The following DLGAP1 variants were observed in gnomAD, a reference collection of about 807,000 sequenced individuals.
DLGAP1 encodes DLG associated protein 1.
A neutral mutation model predicts 90.8 loss-of-function variants in DLGAP1; 11 were observed. That is an observed-to-expected ratio of 0.12 (90% CI 0.08 to 0.20). The LOEUF (loss-of-function observed/expected upper bound fraction) is 0.20, where lower values mean the gene tolerates loss of function less well. Among genes scored for constraint, DLGAP1 ranks in the 10% least tolerant of loss-of-function variants. The probability of loss-of-function intolerance (pLI) is 1.00; values close to 1 mark genes in which losing one functional copy is unlikely to be tolerated. For missense variants in DLGAP1, 1,050 were observed against 1,333.8 expected, an observed-to-expected ratio of 0.79 and a Z score of 3.31; for synonymous variants, 558 against 540.7, an observed-to-expected ratio of 1.03 and a Z score of -0.44.
chr18:4,166,498 G>A (rs188353191), intron 1 of DLGAP1, among the ~76,000 whole-genome samples: 47 of 152,278 alleles, frequency 3.1e-4, no homozygotes, highest in East Asian at 1.2e-3. Flanking sequence ...GACGAAGGTC[G>A]TTCCTCAACA....
At chr18:3,782,026 CTTGGAACAGTATTCCA>C (rs2065220016) in intron 5 of DLGAP1, among the ~76,000 whole-genome samples, 1 of 6,420 alleles carries the variant, frequency 1.6e-4, no homozygotes, top group Non-Finnish European at 5.9e-4. Flanking sequence ...CTATTCCAAG[CTTGGAACAGTATTCCA>C]AGCTTGGAAC....
At chr18:4,411,921 C>T (rs1280572926) in intron 1 of DLGAP1, among the ~76,000 whole-genome samples, 1 of 152,124 alleles carries the variant, frequency 6.6e-6, no homozygotes, top group African/African-American at 2.4e-5. Flanking sequence ...TGATTGATCA[C>T]AGCCTGTCAA....
intron 1 of DLGAP1, among the ~76,000 whole-genome samples, chr18:4,299,241 A>G (rs2080065897): frequency 6.6e-6 from 1 of 152,174 alleles, no homozygotes; most frequent in South Asian, 2.1e-4. Context: ...ACCACAAAAC[A>G]TACTCTGTTC....
intron 2 of DLGAP1, among the ~76,000 whole-genome samples, chr18:4,025,856 T>C (rs2149120963): frequency 6.6e-6 from 1 of 152,332 alleles, no homozygotes; most frequent in Non-Finnish European, 1.5e-5. Flanking sequence ...CAAGTGAATA[T>C]ATTGAAGGTA....
chr18:4,282,353 G>A lies in DLGAP1; in HGVS notation c.-266-131066C>T, dbSNP rs542838447. 3.8e-5 allele frequency among the ~76,000 whole-genome samples: 5 copies of A among 131,208 alleles called. No individual in the cohort carries two copies. In the East Asian group the frequency reaches 6.2e-4, roughly 16 times the overall value. The allele number at this position is 131,208 out of a possible 152,430, so 86.1% of individuals were successfully genotyped here. On this transcript the variant is annotated intron_variant, in intron 1 of 12. Transcript: ENST00000315677. ...CATTCCAACCTGGGCAACAAAGCGA[G>A]ACTCTGTCTCAAAAAAAAAAAAAAA...
chr18:4,062,905 T>G (rs1196728988), intron 2 of DLGAP1, among the ~76,000 whole-genome samples: 1 of 152,124 alleles, frequency 6.6e-6, no homozygotes, highest in East Asian at 1.9e-4. Flanking sequence ...GGATGGGCCA[T>G]CAAGCTCCAT....
At position 3,879,272 on chromosome 18, in the gene DLGAP1, G is replaced by A. The variant is rs375299367; in HGVS notation, c.797C>T (p.Pro266Leu). ...DVKCSTCANL[P>L]VSLDTPLLKK... ...CAGCAGCGGGGTGTCCAGGCTGACC[G>A]GCAGGTTGGCGCAGGTGGAGCACTT... The change falls in exon 4 of 13, where the codon CCG becomes CTG. Residue 266 changes from proline to leucine, a missense_variant. Pro to Leu is a moderately conservative substitution (Grantham distance 98). Coordinates refer to ENST00000315677, the MANE Select transcript of DLGAP1 (RefSeq NM_004746.4). This position sits in a 1 kb window ranked among gnomAD's most constrained non-coding sequence, Gnocchi z 6.6. 4 of 1,597,980 alleles carry A rather than the reference G, an allele frequency of 2.5e-6. No homozygotes were observed. In the African/African-American group the frequency reaches 4.0e-5, roughly 16 times the overall value.
intron 1 of DLGAP1, among the ~76,000 whole-genome samples, chr18:4,265,507 TTTC>T (rs1293033005): frequency 4.0e-5 from 6 of 149,262 alleles, no homozygotes; most frequent in African/African-American, 7.4e-5. Flanking sequence ...TTTTTCTTTG[TTTC>T]TTCTTTTTCT....
intron 8 of DLGAP1, among the ~76,000 whole-genome samples, chr18:3,575,584 G>A (rs1299498864): frequency 2.0e-5 from 3 of 152,190 alleles, no homozygotes; most frequent in Admixed American, 1.3e-4. Context: ...CGAGGTGGGA[G>A]TGGGAAAGAA....
At chr18:3,983,684 C>T (rs2073784327) in intron 3 of DLGAP1, 1 of 152,088 alleles carries the variant, frequency 6.6e-6, no homozygotes, top group African/African-American at 2.4e-5. Flanking sequence ...CATACCCCAC[C>T]CTCCTTCCAA....
rs149817088 is a variant in DLGAP1, at chr18:3,803,608, T to C, written c.1172+10451A>G. ...GTTCTGAGCTGTAAGTCAAGAACAA[T>C]GTACAGATGGTGGAAACAGTCTCCA... On this transcript the variant is annotated intron_variant, in intron 5 of 12. Coordinates refer to ENST00000315677, the MANE Select transcript of DLGAP1 (RefSeq NM_004746.4). Among the ~76,000 whole-genome samples, 393 of 152,202 alleles carry C rather than the reference T, an allele frequency of 2.6e-3. 2 individuals are homozygous for C. Among genetic ancestry groups the C allele is most frequent in the African/African-American group, 7.9e-3 (327 of 41,530 alleles).
Position 3,977,434 on chromosome 18 carries a change from G to GGTTTTTTTTTTT in DLGAP1, c.-73+27681_-73+27682insAAAAAAAAAAAC, listed in dbSNP as rs767760816. Among the ~76,000 whole-genome samples, 173 of 95,332 alleles carry GGTTTTTTTTTTT rather than the reference G, an allele frequency of 1.8e-3. 3 individuals are homozygous for GGTTTTTTTTTTT. The highest frequency in any genetic ancestry group is 2.5e-3 in the African/African-American group (60 of 23,960). 62.5% of individuals were successfully genotyped at this position (95,332 alleles called of 152,430 possible). A position where few individuals can be genotyped will look rare whatever the true frequency, so the allele number is the denominator to read the frequency against. On this transcript the variant is annotated intron_variant, in intron 3 of 12. Transcript: ENST00000315677. ...AGTTAATGAATTATGTTTATTCTGTGTTTTTTTTTTTTTTTTTTTTGCTGA... is the reference window on the plus strand; with the variant it reads ...AGTTAATGAATTATGTTTATTCTGTGGTTTTTTTTTTTTTTTTTTTTTTTTTTTTTTTGCTGA...
chr18:4,434,472 C>A (rs2083357267), intron 1 of DLGAP1, among the ~76,000 whole-genome samples: 1 of 152,150 alleles, frequency 6.6e-6, no homozygotes, highest in South Asian at 2.1e-4. Flanking sequence ...CTAAAAACAG[C>A]CTGCACGTTA....
intron 9 of DLGAP1, among the ~76,000 whole-genome samples, chr18:3,544,111 C>G (rs748317391): frequency 1.4e-4 from 21 of 152,178 alleles, no homozygotes; most frequent in Non-Finnish European, 3.1e-4. Context: ...GAAAGTAGGC[C>G]GGGCACGGTG....
chr18:3,955,856 T>C (rs940955210), intron 3 of DLGAP1, among the ~76,000 whole-genome samples: 4 of 152,100 alleles, frequency 2.6e-5, no homozygotes, highest in African/African-American at 9.7e-5. Flanking sequence ...AAGAAAAGAT[T>C]AGTGAACCTG....
chr18:4,120,032 ACTG>A (rs1370809488), intron 2 of DLGAP1, among the ~76,000 whole-genome samples: 1 of 152,244 alleles, frequency 6.6e-6, no homozygotes, highest in Non-Finnish European at 1.5e-5. Context: ...AATAAAAGGG[ACTG>A]CTGAATTACA....
At chr18:3,836,318 A>T (rs900941234) in intron 4 of DLGAP1, among the ~76,000 whole-genome samples, 2 of 152,222 alleles carry the variant, frequency 1.3e-5, no homozygotes, top group African/African-American at 4.8e-5. Context: ...TTATTAAAAA[A>T]ATACACTTTA....
At chr18:3,728,989 A>C in intron 7 of DLGAP1, 146 bp downstream of exon 7, 1 of 1,250,484 alleles carries the variant, frequency 8.0e-7, no homozygotes, top group African/African-American at 1.5e-5. Flanking sequence ...AGAGGCAGAT[A>C]GGGAAGGAAA....
chr18:3,745,956 T>C (rs2063252956), intron 5 of DLGAP1, among the ~76,000 whole-genome samples: 1 of 152,200 alleles, frequency 6.6e-6, no homozygotes, highest in South Asian at 2.1e-4. Context: ...CCCCAAGTGC[T>C]GGGATTACAG....
Sources: gnomAD v4.1 joint callset for allele counts (sites outside exome capture counted in the v4.1 genomes callset) on GRCh38, gnomAD v4.1.1 for gene constraint, Gnocchi (gnomAD v3.1) non-coding constraint, MANE v1.5 for transcripts, NCBI Gene and HGNC (gene_info 2026-07-23, HGNC 2026-07-21) for gene names.